CDH18: variants seen among roughly 807,000 people sequenced by gnomAD.
CDH18 encodes the protein cadherin-18.
Under a neutral mutation model 67.9 loss-of-function variants are expected in CDH18, and 31 were observed. That is an observed-to-expected ratio of 0.46 (90% confidence interval 0.34 to 0.62). The LOEUF (loss-of-function observed/expected upper bound fraction) is 0.62. Ranked by LOEUF, CDH18 falls within the 20% of genes least tolerant of loss-of-function variation. The pLI is 0.01. For synonymous variants in CDH18, 362 were observed against 347.2 expected, an observed-to-expected ratio of 1.04 and a Z score of -0.48; for missense variants, 890 against 975.5, an observed-to-expected ratio of 0.91 and a Z score of 1.17.
chr5:19,845,542 T>C (rs1296351321), intron 2 of CDH18, among the ~76,000 whole-genome samples: 1 of 152,106 alleles, frequency 6.6e-6, no homozygotes, highest in Non-Finnish European at 1.5e-5. Context: ...TTCATAGTGT[T>C]GTTCAAGTTC....
chr5:19,759,422 C>T (rs569418805), intron 3 of CDH18, among the ~76,000 whole-genome samples: 8 of 152,306 alleles, frequency 5.3e-5, no homozygotes, highest in Admixed American at 5.2e-4. Context: ...CACCATAATA[C>T]CCCTCAACCT....
intron 2 of CDH18, among the ~76,000 whole-genome samples, chr5:20,217,402 T>C (rs1351169921): frequency 6.6e-6 from 1 of 151,920 alleles, no homozygotes; most frequent in Non-Finnish European, 1.5e-5. Flanking sequence ...AGAGTTTTAT[T>C]AGTTGTCTCC....
chr5:20,324,168 A>C (rs1211375868), intron 1 of CDH18, among the ~76,000 whole-genome samples: 1 of 152,312 alleles, frequency 6.6e-6, no homozygotes, highest in African/African-American at 2.4e-5. Flanking sequence ...GATCAGTTCA[A>C]ATCAGTGTGC....
intron 2 of CDH18, among the ~76,000 whole-genome samples, chr5:20,132,901 T>C (rs1474549664): frequency 6.6e-6 from 1 of 152,182 alleles, no homozygotes; most frequent in Non-Finnish European, 1.5e-5. Flanking sequence ...ATTCCTTCTC[T>C]ACTTATCTTT....
At chr5:20,549,249 A>C (rs1026072478) in intron 1 of CDH18, among the ~76,000 whole-genome samples, 5 of 152,164 alleles carry the variant, frequency 3.3e-5, no homozygotes, top group Non-Finnish European at 5.9e-5. Context: ...ATGTGGTTTT[A>C]TAAATGTTTG....
chr5:20,390,634 T>G (rs1744764362), intron 1 of CDH18, among the ~76,000 whole-genome samples: 1 of 152,170 alleles, frequency 6.6e-6, no homozygotes, highest in Non-Finnish European at 1.5e-5. Flanking sequence ...ATCCCATTAC[T>G]GGGTATATAC....
intron 1 of CDH18, among the ~76,000 whole-genome samples, chr5:20,359,589 C>T (rs926356432): frequency 6.6e-5 from 10 of 152,136 alleles, no homozygotes; most frequent in Admixed American, 5.9e-4. Context: ...GTGAAGAGAA[C>T]AATGGAGTTG....
intron 1 of CDH18, among the ~76,000 whole-genome samples, chr5:20,334,716 T>C (rs1739546789): frequency 6.6e-6 from 1 of 150,850 alleles, no homozygotes; most frequent in South Asian, 2.1e-4. Flanking sequence ...CCAACACATA[T>C]ATGAGTGCTA....
intron 2 of CDH18, among the ~76,000 whole-genome samples, chr5:19,944,632 T>C (rs1025868103): frequency 4.6e-5 from 7 of 152,178 alleles, no homozygotes; most frequent in Admixed American, 4.6e-4. Flanking sequence ...GAGCTACCTG[T>C]CTTATTAATA....
chr5:20,004,525 A>C (rs1335747027), intron 2 of CDH18, among the ~76,000 whole-genome samples: 1 of 152,216 alleles, frequency 6.6e-6, no homozygotes, highest in Non-Finnish European at 1.5e-5. Context: ...TTCATTTTTC[A>C]TAAATATGAA....
At chr5:20,075,174 G>T (rs1743817173) in intron 2 of CDH18, among the ~76,000 whole-genome samples, 1 of 152,166 alleles carries the variant, frequency 6.6e-6, no homozygotes, top group East Asian at 1.9e-4. Flanking sequence ...ATAACTCTTT[G>T]GGTCCTTGGA....
At chr5:20,494,842 GA>G (rs1214012837) in intron 1 of CDH18, among the ~76,000 whole-genome samples, 1 of 152,230 alleles carries the variant, frequency 6.6e-6, no homozygotes, top group Non-Finnish European at 1.5e-5. Context: ...AGTAGCGGAG[GA>G]AAGGAGCAGA....
chr5:20,358,932 C>CTTTTTTTTTTT (rs66786530), intron 1 of CDH18, among the ~76,000 whole-genome samples: 3 of 128,178 alleles, frequency 2.3e-5, no homozygotes, highest in Non-Finnish European at 3.2e-5. Context: ...TTTTTTCTTT[C>CTTTTTTTTTTT]TTTTTTTTTT....
intron 5 of CDH18, among the ~76,000 whole-genome samples, chr5:19,673,891 T>C (rs1436370725): frequency 1.3e-5 from 2 of 152,104 alleles, no homozygotes; most frequent in Non-Finnish European, 2.9e-5. Context: ...AAAGTGTGAA[T>C]TCAGACGAGG....
intron 1 of CDH18, among the ~76,000 whole-genome samples, chr5:20,404,132 T>C (rs1430287551): frequency 6.6e-6 from 1 of 152,198 alleles, no homozygotes; most frequent in Non-Finnish European, 1.5e-5. Flanking sequence ...TCAGTCTTCA[T>C]AGAGTTGAAG....
chr5:19,744,426 T>C (rs1216974244), intron 4 of CDH18, among the ~76,000 whole-genome samples: 1 of 152,084 alleles, frequency 6.6e-6, no homozygotes, highest in Non-Finnish European at 1.5e-5. Flanking sequence ...AATTACTTTA[T>C]GCCTTATGAT....
At chr5:19,692,164 A>C (rs1761975923) in intron 5 of CDH18, among the ~76,000 whole-genome samples, 1 of 152,094 alleles carries the variant, frequency 6.6e-6, no homozygotes, top group Admixed American at 6.6e-5. Context: ...TGGTGCTAGG[A>C]AACTTAATAT....
At chr5:20,425,150 G>T (rs924841296) in intron 1 of CDH18, among the ~76,000 whole-genome samples, 1 of 150,926 alleles carries the variant, frequency 6.6e-6, no homozygotes, top group Non-Finnish European at 1.5e-5. Flanking sequence ...GGCAGATCAC[G>T]AGGTCAGAAG....
In CDH18 at chr5:20,320,968, C is replaced by G. The variant is rs375810920; in HGVS notation, c.-579-65463G>C. Among the ~76,000 whole-genome samples the G allele has an allele frequency of 1.3e-3, 197 of 152,200 alleles. 1 individual carries two copies. Among genetic ancestry groups the G allele is most frequent in the African/African-American group, 4.5e-3 (185 of 41,534 alleles). ...TGCATGGATAGCCAGCTCAGGCTTACTTTTAACCAATGAAAACTCACTCCT... is the reference window on the plus strand; with the variant it reads ...TGCATGGATAGCCAGCTCAGGCTTAGTTTTAACCAATGAAAACTCACTCCT... On this transcript the variant is annotated intron_variant, in intron 1 of 14. Transcript: ENST00000507958.
Sources: allele counts gnomAD v4.1 joint callset (sites outside exome capture counted in the v4.1 genomes callset), GRCh38; gene constraint gnomAD v4.1.1; transcripts MANE v1.5; gene names NCBI Gene and HGNC (gene_info 2026-07-23, HGNC 2026-07-21).